Variants in NCOR1 observed in about 807,000 individuals in gnomAD.
NCOR1 encodes the protein nuclear receptor corepressor 1.
Under a neutral mutation model 288.1 loss-of-function variants are expected in NCOR1, and 63 were observed. The observed-to-expected ratio is 0.22, with a 90% CI of 0.18 to 0.27. NCOR1 has a LOEUF of 0.27. Among genes scored for constraint, NCOR1 ranks in the 10% least tolerant of loss-of-function variants. NCOR1 has a pLI of 1.00. For synonymous variants in NCOR1, 1,007 were observed against 1,065.9 expected (o/e 0.94, Z 1.08); for missense variants, 2,397 against 3,019.2 (o/e 0.79, Z 4.83).
intron 44 of NCOR1, among the ~76,000 whole-genome samples, chr17:16,037,323 T>C (rs1002480747): frequency 9.2e-5 from 14 of 151,912 alleles, no homozygotes; most frequent in Non-Finnish European, 1.8e-4. Flanking sequence ...ATTACCAAAA[T>C]ATGACACAGA....
intron 4 of NCOR1, among the ~76,000 whole-genome samples, chr17:16,170,705 C>T (rs550739237): frequency 2.4e-4 from 36 of 151,834 alleles, no homozygotes; most frequent in Admixed American, 3.9e-4. Flanking sequence ...CATGGTGGTG[C>T]GTCCCTGTAA....
At chr17:16,086,199 G>A in intron 23 of NCOR1, 83 bp downstream of exon 23, 3 of 1,373,932 alleles carry the variant, frequency 2.2e-6, no homozygotes, top group Non-Finnish European at 3.0e-6. Flanking sequence ...TTACAACTCT[G>A]ACAAATCAGT....
intron 3 of NCOR1, among the ~76,000 whole-genome samples, chr17:16,180,324 T>C (rs1324072695): frequency 6.6e-6 from 1 of 152,170 alleles, no homozygotes; most frequent in Non-Finnish European, 1.5e-5. Context: ...ATTTTGTTGG[T>C]GGGAATGTAG....
At chr17:16,064,333 C>A (rs2060882554) in intron 34 of NCOR1, 146 bp from the exon 35 acceptor site, 5 of 1,055,302 alleles carry the variant, frequency 4.7e-6, no homozygotes, top group Middle Eastern at 3.2e-4. Flanking sequence ...GGTGCAGTGG[C>A]TGACACCTGT....
At chr17:16,197,090 C>T (rs1363727706) in intron 1 of NCOR1, among the ~76,000 whole-genome samples, 2 of 151,846 alleles carry the variant, frequency 1.3e-5, no homozygotes, top group East Asian at 3.9e-4. Context: ...AGGAGGCCAG[C>T]GCAGGCAGAT....
Position 16,031,947 on chromosome 17 carries a change from A to G in NCOR1, c.*349T>C, listed in dbSNP as rs1442079643. 2 of 295,334 alleles carry G rather than the reference A, an allele frequency of 6.8e-6. No homozygotes were observed. The highest frequency in any genetic ancestry group is 5.4e-5 in the Admixed American group (1 of 18,666). The allele number at this position is 295,334 out of a possible 1,614,324, so 18.3% of individuals were successfully genotyped here. A position where few individuals can be genotyped will look rare whatever the true frequency, so the allele number is the denominator to read the frequency against. On this transcript the variant is annotated 3_prime_UTR_variant, in exon 46 of 46. Coordinates refer to ENST00000268712, the MANE Select transcript of NCOR1 (RefSeq NM_006311.4). ...CAGATACTACAGCAAGGGGATATACACTGCAAAAAGGTCATCTATTTACAG... is the reference window on the plus strand; with the variant it reads ...CAGATACTACAGCAAGGGGATATACGCTGCAAAAAGGTCATCTATTTACAG...
intron 2 of NCOR1, among the ~76,000 whole-genome samples, chr17:16,191,654 A>C (rs374886405): frequency 6.6e-6 from 1 of 152,216 alleles, no homozygotes; most frequent in Non-Finnish European, 1.5e-5. Flanking sequence ...GTGGAATAAC[A>C]TGCAACATGA....
Position 16,153,378 on chromosome 17 carries a change from A to G in NCOR1, c.750T>C (p.Ala250=), listed in dbSNP as rs754225842. The part of the protein sequence containing the change: ...YDENRKKAEE[A]HKIFEGLGPK... ...GGCCAAGACCTTCAAAAATTTTATG[A>G]GCTTCTTCTGCTTTTTTCTAGAGAT... The change falls in exon 7 of 46, where the codon GCT becomes GCC. Residue 250 remains alanine, a synonymous_variant. Transcript: ENST00000268712. 5 of 1,599,296 alleles carry G rather than the reference A, an allele frequency of 3.1e-6. No individual in the cohort carries two copies. The highest frequency in any genetic ancestry group is 4.3e-6 in the Non-Finnish European group (5 of 1,171,740).
chr17:16,095,790 C>T (rs1482670092), intron 21 of NCOR1, among the ~76,000 whole-genome samples: 1 of 150,554 alleles, frequency 6.6e-6, no homozygotes, highest in Non-Finnish European at 1.5e-5. Context: ...AAGTGAGGAG[C>T]CCCTCTGCCC....
At chr17:16,069,403 C>T (rs1317407765) in intron 31 of NCOR1, among the ~76,000 whole-genome samples, 2 of 152,164 alleles carry the variant, frequency 1.3e-5, no homozygotes, top group African/African-American at 2.4e-5. Flanking sequence ...ACTTGTACAG[C>T]TCACAGTGCC....
At chr17:16,111,608 T>C (rs1160657126) in intron 18 of NCOR1, among the ~76,000 whole-genome samples, 1 of 149,768 alleles carries the variant, frequency 6.7e-6, no homozygotes, top group Non-Finnish European at 1.5e-5. Context: ...TCTCAAAAAA[T>C]AAAATTAAAT....
intron 43 of NCOR1, 190 bp downstream of exon 43, chr17:16,040,251 A>G: frequency 1.5e-6 from 1 of 684,378 alleles, no homozygotes; most frequent in East Asian, 2.8e-5. Flanking sequence ...TATCTTTTCA[A>G]TAGGTATTTA....
intron 3 of NCOR1, among the ~76,000 whole-genome samples, chr17:16,176,833 A>G (rs2084300411): frequency 6.6e-6 from 1 of 151,832 alleles, no homozygotes; most frequent in Non-Finnish European, 1.5e-5. Context: ...TAATTCCTCA[A>G]CCATGATCTG....
At chr17:16,083,644 T>C (rs1160292499) in intron 23 of NCOR1, among the ~76,000 whole-genome samples, 1 of 151,834 alleles carries the variant, frequency 6.6e-6, no homozygotes, top group Non-Finnish European at 1.5e-5. Context: ...CTCAGATGTT[T>C]GGGGGGAAAC....
Position 16,112,616 on chromosome 17 carries a change from G to A in NCOR1, c.2056-3704C>T, listed in dbSNP as rs1002466638. 2.6e-5 allele frequency among the ~76,000 whole-genome samples: 4 copies of A among 151,894 alleles called. No homozygotes were observed. In the East Asian group the frequency reaches 5.8e-4, roughly 22 times the overall value. On this transcript the variant is annotated intron_variant, in intron 18 of 45. Coordinates refer to ENST00000268712, the MANE Select transcript of NCOR1 (RefSeq NM_006311.4). ...GTTCAAGTGATTCTACTGGCCTCCC[G>A]AGTAGCTGGGATTAAAGGTGCACAC...
chr17:16,149,548 T>A, intron 8 of NCOR1, 31 bp from the exon 9 acceptor site: 1 of 1,160,422 alleles, frequency 8.6e-7, no homozygotes. Context: ...TGCATGACAT[T>A]AAGAAAAAGC....
At position 16,080,059 on chromosome 17, in the gene NCOR1, C is replaced by T. The variant is rs200574326; in HGVS notation, c.3406G>A (p.Ala1136Thr). Residue 1136 changes from alanine (A) to threonine (T), a missense_variant, in exon 26 of 46, where the codon GCA becomes ACA. This residue lies in a region of NCOR1 where 1,872 missense variants were observed against 2,187.8 expected (regional missense o/e 0.86). Coordinates refer to ENST00000268712, the MANE Select transcript of NCOR1 (RefSeq NM_006311.4). ...ATACTTCCTTCTTGTATGGCTCCTG[C>T]GGTACCTGAATACAAACAAAGCTAT... is the stretch of plus-strand genomic sequence containing the variant. ...AQHEGVVRGT[A>T]GAIQEGSITR... 1.5e-5 allele frequency: 24 copies of T among 1,613,484 alleles called. No individual in the cohort carries two copies. Among genetic ancestry groups the T allele is most frequent in the East Asian group, 1.1e-4 (5 of 44,854 alleles).
Position 16,069,066 on chromosome 17 carries a change from A to G in NCOR1, c.4514-945T>C, listed in dbSNP as rs571338025. ...AAATATACATAACATAAAATTTACA[A>G]TTTTAGCCATTTTAAAGGGTACAAT... On this transcript the variant is annotated intron_variant, in intron 31 of 45. Coordinates refer to ENST00000268712, the MANE Select transcript of NCOR1 (RefSeq NM_006311.4). Among the ~76,000 whole-genome samples the G allele has an allele frequency of 1.7e-4, 26 of 152,228 alleles. No homozygotes were observed. The South Asian group carries it at 5.4e-3, about 32-fold the overall frequency.
At position 16,064,202 on chromosome 17, in the gene NCOR1, C is replaced by T; in HGVS notation, c.5102-15G>A. The stretch of plus-strand genomic sequence containing the variant: ...TGTTGGGTGTCCTGTAAAACATAAA[C>T]CTGCAGCTTAAAGATAAAAATATCA... On this transcript the variant is annotated splice_polypyrimidine_tract_variant and intron_variant, in intron 34 of 45. Coordinates refer to ENST00000268712, the MANE Select transcript of NCOR1 (RefSeq NM_006311.4). The T allele has an allele frequency of 6.2e-7, 1 of 1,606,188 alleles. No homozygotes were observed. Among genetic ancestry groups the T allele is most frequent in the Non-Finnish European group, 8.5e-7 (1 of 1,175,916 alleles).
Sources: gnomAD v4.1 joint callset for allele counts (sites outside exome capture counted in the v4.1 genomes callset) on GRCh38, gnomAD v4.1.1 for gene constraint, gnomAD v4.1.1 regional missense constraint, MANE v1.5 for transcripts, NCBI Gene and HGNC (gene_info 2026-07-23, HGNC 2026-07-21) for gene names.